Variants in RPTOR observed in about 807,000 individuals in gnomAD.
RPTOR encodes regulatory-associated protein of mTOR.
Under a neutral mutation model 169.9 loss-of-function variants are expected in RPTOR, and 21 were observed. The observed-to-expected ratio is 0.12, with a 90% CI of 0.09 to 0.18. The LOEUF is 0.18. Ranked by LOEUF, RPTOR falls within the 10% of genes least tolerant of loss-of-function variation. RPTOR has a pLI of 1.00. For synonymous variants in RPTOR, 732 were observed against 753.2 expected, an observed-to-expected ratio of 0.97 and a Z score of 0.46; for missense variants, 1,133 against 1,855.9, an observed-to-expected ratio of 0.61 and a Z score of 7.16.
At chr17:80,683,631 C>T (rs1397402808) in intron 3 of RPTOR, among the ~76,000 whole-genome samples, 2 of 152,096 alleles carry the variant, frequency 1.3e-5, no homozygotes, top group African/African-American at 4.8e-5. Flanking sequence ...CCCATTCATT[C>T]CTTCATTCAT....
chr17:80,601,316 C>T lies in RPTOR; in HGVS notation c.163-24375C>T, dbSNP rs561420736. On this transcript the variant is annotated intron_variant, in intron 1 of 33. Coordinates refer to ENST00000306801, the MANE Select transcript of RPTOR (RefSeq NM_020761.3). ...CTCCCTTCCCTTCCTGAATTCCTGC[C>T]CCTGCAGGAAGGAGAAAATGATTGC... 3.0e-4 allele frequency among the ~76,000 whole-genome samples: 45 copies of T among 152,394 alleles called. 1 individual carries two copies. Among genetic ancestry groups the T allele is most frequent in the Non-Finnish European group, 2.2e-4 (15 of 68,044 alleles).
chr17:80,945,836 G>A (rs907708521), intron 26 of RPTOR, 55 bp downstream of exon 26: 6 of 1,055,316 alleles, frequency 5.7e-6, no homozygotes, highest in Non-Finnish European at 8.1e-6. Context: ...CCCCAGCGAT[G>A]CCCTGTTCTC....
chr17:80,965,235 A>C lies in RPTOR; in HGVS notation c.*905A>C, dbSNP rs1210195372. 4.3e-6 allele frequency: 1 copy of C among 233,250 alleles called. No individual in the cohort carries two copies. Among genetic ancestry groups the C allele is most frequent in the African/African-American group, 2.2e-5 (1 of 45,350 alleles). 14.4% of individuals were successfully genotyped at this position (233,250 alleles called of 1,614,324 possible). A position where few individuals can be genotyped will look rare whatever the true frequency, so the allele number is the denominator to read the frequency against. Reference sequence around the variant, plus strand: ...ACACAGGTGTAGCACACGCATGTGCAGATGGCACCACGGCCGGCACCTGGG... The same window carrying C: ...ACACAGGTGTAGCACACGCATGTGCCGATGGCACCACGGCCGGCACCTGGG... On this transcript the variant is annotated 3_prime_UTR_variant, in exon 34 of 34. Coordinates refer to ENST00000306801, the MANE Select transcript of RPTOR (RefSeq NM_020761.3).
At chr17:80,787,902 A>G (rs1279344895) in intron 6 of RPTOR, among the ~76,000 whole-genome samples, 1 of 152,154 alleles carries the variant, frequency 6.6e-6, no homozygotes, top group Non-Finnish European at 1.5e-5. Flanking sequence ...TATGATGGAT[A>G]TTGCCCCCAC....
chr17:80,694,671 C>T (rs1272834938), intron 3 of RPTOR, among the ~76,000 whole-genome samples: 119 of 152,184 alleles, frequency 7.8e-4, no homozygotes, highest in Non-Finnish European at 1.0e-4. Flanking sequence ...TAGCTCCGCA[C>T]TTAAGTAAGG....
At chr17:80,631,322 A>G (rs1275981943) in intron 2 of RPTOR, among the ~76,000 whole-genome samples, 1 of 152,148 alleles carries the variant, frequency 6.6e-6, no homozygotes. Context: ...TGCCTCCAGC[A>G]GATGCTTCTC....
At chr17:80,851,553 T>C (rs2067793716) in intron 11 of RPTOR, among the ~76,000 whole-genome samples, 1 of 152,238 alleles carries the variant, frequency 6.6e-6, no homozygotes, top group Non-Finnish European at 1.5e-5. Flanking sequence ...TGACGATGTT[T>C]CTTTGCAAAT....
intron 1 of RPTOR, among the ~76,000 whole-genome samples, chr17:80,611,599 C>T (rs1309008512): frequency 6.6e-6 from 1 of 152,052 alleles, no homozygotes; most frequent in Non-Finnish European, 1.5e-5. Flanking sequence ...CCTGAATACT[C>T]CTGCACACAT....
At chr17:80,612,221 T>C (rs1002385583) in intron 1 of RPTOR, among the ~76,000 whole-genome samples, 3 of 152,168 alleles carry the variant, frequency 2.0e-5, no homozygotes, top group African/African-American at 7.2e-5. Flanking sequence ...CCTCTAACTC[T>C]TGGGCTCGAG....
chr17:80,891,611 GGTTTT>G (rs1053319152), intron 17 of RPTOR, 104 bp from the exon 18 acceptor site: 2 of 747,308 alleles, frequency 2.7e-6, no homozygotes, highest in African/African-American at 3.5e-5. Flanking sequence ...CCAATTGCAC[GGTTTT>G]GTCTTAACCT....
At chr17:80,857,335 C>T (rs112276939) in intron 12 of RPTOR, among the ~76,000 whole-genome samples, 4,222 of 152,344 alleles carry the variant, frequency 0.028, 141 homozygotes, top group Admixed American at 0.091. Context: ...GCAAGCTGGC[C>T]GTGCCGTCAC....
At chr17:80,880,644 C>T (rs754971637) in intron 14 of RPTOR, among the ~76,000 whole-genome samples, 155 bp downstream of exon 14, 5 of 152,220 alleles carry the variant, frequency 3.3e-5, no homozygotes, top group Non-Finnish European at 5.9e-5. Flanking sequence ...AACTGCTTCA[C>T]GTTAGACATG....
At chr17:80,553,113 C>T (rs915263491) in intron 1 of RPTOR, among the ~76,000 whole-genome samples, 8 of 152,248 alleles carry the variant, frequency 5.3e-5, no homozygotes, top group Non-Finnish European at 1.0e-4. Flanking sequence ...AGCTGTACTA[C>T]TAGTTCCTGA....
At position 80,966,117 on chromosome 17, in the gene RPTOR, A is replaced by ACCCCCCCCCCCCCCCCCCCCCC. The variant is rs55752459; in HGVS notation, c.*1796_*1797insCCCCCCCCCCCCCCCCCCCCCC. Reference sequence around the variant, plus strand: ...GGCAGGTGGCTCCAGAGGGGTCAAGACCCCCCCCCGCCCCCGCTCCACCCT... The same window carrying ACCCCCCCCCCCCCCCCCCCCCC: ...GGCAGGTGGCTCCAGAGGGGTCAAGACCCCCCCCCCCCCCCCCCCCCCCCCCCCCCCGCCCCCGCTCCACCCT... On this transcript the variant is annotated 3_prime_UTR_variant, in exon 34 of 34. Coordinates refer to ENST00000306801, the MANE Select transcript of RPTOR (RefSeq NM_020761.3). 2.8e-4 allele frequency: 49 copies of ACCCCCCCCCCCCCCCCCCCCCC among 175,606 alleles called. No individual in the cohort carries two copies. Among genetic ancestry groups the ACCCCCCCCCCCCCCCCCCCCCC allele is most frequent in the Admixed American group, 4.0e-4 (5 of 12,354 alleles). 10.9% of individuals were successfully genotyped at this position (175,606 alleles called of 1,614,324 possible). A position where few individuals can be genotyped will look rare whatever the true frequency, so the allele number is the denominator to read the frequency against.
intron 4 of RPTOR, among the ~76,000 whole-genome samples, chr17:80,715,596 T>A (rs1322729207): frequency 6.6e-6 from 1 of 151,964 alleles, no homozygotes; most frequent in Non-Finnish European, 1.5e-5. Context: ...TTTTTTTTTT[T>A]TCAATTTTTT....
At chr17:80,661,223 T>C (rs1379533134) in intron 3 of RPTOR, among the ~76,000 whole-genome samples, 1 of 152,198 alleles carries the variant, frequency 6.6e-6, no homozygotes, top group Non-Finnish European at 1.5e-5. Flanking sequence ...GGGGGAGATC[T>C]GAAGTGCCTT....
chr17:80,862,084 C>T (rs968903141), intron 13 of RPTOR, among the ~76,000 whole-genome samples: 3 of 152,138 alleles, frequency 2.0e-5, no homozygotes, highest in African/African-American at 4.8e-5. Context: ...ACCAGGGCCT[C>T]GGGTTTATTA....
At chr17:80,915,780 CCT>C (rs1455324955) in intron 21 of RPTOR, among the ~76,000 whole-genome samples, 1 of 146,800 alleles carries the variant, frequency 6.8e-6, no homozygotes, top group Non-Finnish European at 1.5e-5. Flanking sequence ...TCCAGGGTCT[CCT>C]CTCTGCTGAG....
rs1382279946 is a variant in RPTOR, at chr17:80,743,755, CTACTAGCACTCTCCTGGT to C, written c.655-10246_655-10229del. On this transcript the variant is annotated intron_variant, in intron 5 of 33. Transcript: ENST00000306801. ...GCCCTGGCTACTAGCAGAGCCCTGG[CTACTAGCACTCTCCTGGT>C]TACTAGCAGAGCCCTGGCTACTAGC... Among the ~76,000 whole-genome samples the C allele has an allele frequency of 1.4e-4, 17 of 125,312 alleles. 1 individual carries two copies. Among genetic ancestry groups the C allele is most frequent in the African/African-American group, 2.3e-4 (6 of 26,210 alleles). 82.2% of individuals were successfully genotyped at this position (125,312 alleles called of 152,430 possible).
Sources: allele counts gnomAD v4.1 joint callset (sites outside exome capture counted in the v4.1 genomes callset), GRCh38; gene constraint gnomAD v4.1.1; transcripts MANE v1.5; gene names NCBI Gene and HGNC (gene_info 2026-07-23, HGNC 2026-07-21).